BCKDHA: variants seen among roughly 807,000 people sequenced by gnomAD.
BCKDHA encodes 2-oxoisovalerate dehydrogenase subunit alpha, mitochondrial.
BCKDHA carries 43 observed loss-of-function variants against 52.2 expected under a neutral mutation model. The observed-to-expected ratio is 0.82, with a 90% CI of 0.64 to 1.06. The LOEUF is 1.06. BCKDHA is among the 50% of genes least tolerant of loss of function. The probability of loss-of-function intolerance (pLI) is 0.00; values close to 1 mark genes in which losing one functional copy is unlikely to be tolerated. For synonymous variants in BCKDHA, 234 were observed against 247.9 expected (o/e 0.94, Z 0.53); for missense variants, 527 against 621.3 (o/e 0.85, Z 1.61).
At position 41,410,735 on chromosome 19, in the gene BCKDHA, GC is replaced by G. The variant is rs1362557533; in HGVS notation, c.210del (p.Asn71ThrfsTer33). The G allele has an allele frequency of 6.2e-7, 1 of 1,614,152 alleles. No homozygotes were observed. Among genetic ancestry groups the G allele is most frequent in the South Asian group, 1.1e-5 (1 of 91,088 alleles). On this transcript the variant is annotated frameshift_variant, in exon 2 of 9. Transcript: ENST00000269980. LOFTEE classifies it high-confidence loss of function. ...EFIDKLEFIQ[P>X]NVISGIPIYR... ...TTATAGATAAGTTGGAATTCATCCAGCCCAACGTCATCTCTGGAATCCCCAT... is the reference window on the plus strand; with the variant it reads ...TTATAGATAAGTTGGAATTCATCCAGCCAACGTCATCTCTGGAATCCCCAT...
intron 4 of BCKDHA, chr19:41,418,583 G>A (rs1038001241): frequency 5.9e-6 from 2 of 336,930 alleles, no homozygotes; most frequent in Non-Finnish European, 1.2e-5. Context: ...CCAGATTGGA[G>A]TGCAGTGGCA....
chr19:41,405,907 T>C (rs184556272), intron 1 of BCKDHA, among the ~76,000 whole-genome samples: 1 of 152,280 alleles, frequency 6.6e-6, no homozygotes, highest in Admixed American at 6.5e-5. Flanking sequence ...TGAAGCTTTG[T>C]GTAAATCTGT....
chr19:41,420,472 A>G (rs2039352485), intron 5 of BCKDHA, among the ~76,000 whole-genome samples: 1 of 152,118 alleles, frequency 6.6e-6, no homozygotes, highest in Non-Finnish European at 1.5e-5. Context: ...GGTGGTGCAC[A>G]CCTGTAATCC....
intron 1 of BCKDHA, among the ~76,000 whole-genome samples, chr19:41,401,251 TTTTTA>T (rs2123238583): frequency 2.0e-5 from 3 of 151,644 alleles, no homozygotes; most frequent in Admixed American, 2.0e-4. Flanking sequence ...TAATTTTGTA[TTTTTA>T]GTAGAGACAG....
At chr19:41,417,934 G>A (rs1181535302) in intron 4 of BCKDHA, among the ~76,000 whole-genome samples, 1 of 148,664 alleles carries the variant, frequency 6.7e-6, no homozygotes, top group Admixed American at 6.7e-5. Context: ...AAAAAAAAAA[G>A]AAAGAAAATT....
intron 1 of BCKDHA, 147 bp downstream of exon 1, chr19:41,398,082 G>A: frequency 3.0e-6 from 2 of 676,724 alleles, no homozygotes; most frequent in Non-Finnish European, 4.9e-6. Context: ...AGACACCGAA[G>A]GGAAGATCTG....
intron 1 of BCKDHA, among the ~76,000 whole-genome samples, chr19:41,402,664 C>T (rs1025387838): frequency 3.9e-5 from 6 of 152,024 alleles, no homozygotes; most frequent in South Asian, 2.1e-4. Context: ...TTTTTTGAGA[C>T]GGAGTCTTGC....
chr19:41,420,743 G>A (rs1208358719), intron 5 of BCKDHA, among the ~76,000 whole-genome samples: 1 of 152,232 alleles, frequency 6.6e-6, no homozygotes, highest in East Asian at 1.9e-4. Context: ...TCAGTCCTCA[G>A]AGTCAAGTAA....
At position 41,410,663 on chromosome 19, in the gene BCKDHA, T is replaced by G. The variant is rs1430080785; in HGVS notation, c.135T>G (p.Phe45Leu). 4 of 1,614,194 alleles carry G rather than the reference T, an allele frequency of 2.5e-6. No homozygotes were observed. The highest frequency in any genetic ancestry group is 3.4e-6 in the Non-Finnish European group (4 of 1,180,030). ...ACCCCCCCAGGCAGCAGCAGCAGTTTTCATCTCTGGATGACAAGCCCCAGT... is the reference window on the plus strand; with the variant it reads ...ACCCCCCCAGGCAGCAGCAGCAGTTGTCATCTCTGGATGACAAGCCCCAGT... ...RSHPPRQQQQ[F>L]SSLDDKPQFP... is the part of the protein sequence containing the mutation. Residue 45 changes from phenylalanine (F) to leucine (L), a missense_variant, in exon 2 of 9, where the codon TTT becomes TTG. Coordinates refer to ENST00000269980, the MANE Select transcript of BCKDHA (RefSeq NM_000709.4).
At position 41,410,714 on chromosome 19, in the gene BCKDHA, AG is replaced by A; in HGVS notation, c.187del (p.Asp63IlefsTer41). The A allele has an allele frequency of 6.2e-7, 1 of 1,614,124 alleles. No individual in the cohort carries two copies. ...TCCCAGGGGCCTCGGCGGAGTTTAT[AG>A]ATAAGTTGGAATTCATCCAGCCCAA... ...QFPGASAEFIDKLEFIQPNVI... is the reference protein window; with the variant it reads ...QFPGASAEFIXKLEFIQPNVI... On this transcript the variant is annotated frameshift_variant, in exon 2 of 9. Coordinates refer to ENST00000269980, the MANE Select transcript of BCKDHA (RefSeq NM_000709.4). LOFTEE classifies it high-confidence loss of function.
chr19:41,422,615 C>G lies in BCKDHA; in HGVS notation c.854-14C>G, dbSNP rs372967761. On this transcript the variant is annotated splice_polypyrimidine_tract_variant and intron_variant, in intron 6 of 8. Transcript: ENST00000269980. Reference sequence around the variant, plus strand: ...TCAGCCCTGGCCTGACCTGCCTTCTCTGTGTCCCCACAGCAGCACGAGGCC... The same window carrying G: ...TCAGCCCTGGCCTGACCTGCCTTCTGTGTGTCCCCACAGCAGCACGAGGCC... 514 of 1,613,746 alleles carry G rather than the reference C, an allele frequency of 3.2e-4. No homozygotes were observed. Among genetic ancestry groups the G allele is most frequent in the Non-Finnish European group, 4.2e-4 (493 of 1,180,048 alleles).
intron 4 of BCKDHA, 124 bp from the exon 5 acceptor site, chr19:41,419,011 G>T: frequency 1.7e-6 from 2 of 1,185,902 alleles, no homozygotes; most frequent in East Asian, 2.4e-5. Context: ...CTGAACATCA[G>T]TCTTCCTCTT....
intron 3 of BCKDHA, among the ~76,000 whole-genome samples, chr19:41,411,709 C>T (rs12459859): frequency 2.2e-4 from 34 of 152,190 alleles, no homozygotes; most frequent in Admixed American, 3.3e-4. Flanking sequence ...TTGCTGCCTG[C>T]GGGAGATTGA....
Position 41,422,715 on chromosome 19 carries a change from C to A in BCKDHA, c.940C>A (p.Arg314=), listed in dbSNP as rs753698250. 2 of 1,614,104 alleles carry A rather than the reference C, an allele frequency of 1.2e-6. No homozygotes were observed. Among genetic ancestry groups the A allele is most frequent in the East Asian group, 4.5e-5 (2 of 44,882 alleles). The change falls in exon 7 of 9, where the codon CGA becomes AGA. Residue 314 remains arginine (R), a synonymous_variant. Coordinates refer to ENST00000269980, the MANE Select transcript of BCKDHA (RefSeq NM_000709.4). ...CGTATACAACGCCACAAAGGAGGCC[C>A]GACGGCGGGCTGTGGCAGAGAACCA... The part of the protein sequence containing the change: ...FAVYNATKEA[R]RRAVAENQPF...
At chr19:41,403,841 C>A (rs2039163964) in intron 1 of BCKDHA, among the ~76,000 whole-genome samples, 1 of 152,242 alleles carries the variant, frequency 6.6e-6, no homozygotes, top group Non-Finnish European at 1.5e-5. Context: ...GAACCAGATT[C>A]AAACACCAGC....
At chr19:41,413,996 G>A in intron 3 of BCKDHA, 53 bp from the exon 4 acceptor site, 3 of 1,479,326 alleles carry the variant, frequency 2.0e-6, no homozygotes, top group Non-Finnish European at 2.8e-6. Flanking sequence ...ATGGCTCTCT[G>A]TCATTGCCCA....
intron 1 of BCKDHA, among the ~76,000 whole-genome samples, chr19:41,408,248 C>CCCAGCAT (rs66596854): frequency 0.62 from 93,121 of 150,128 alleles, 29,331 homozygotes; most frequent in African/African-American, 0.7. Context: ...TAAGCCACTG[C>CCCAGCAT]CCAGCATCCC....
At chr19:41,408,104 T>C (rs150284535) in intron 1 of BCKDHA, among the ~76,000 whole-genome samples, 11 of 152,062 alleles carry the variant, frequency 7.2e-5, no homozygotes, top group African/African-American at 2.7e-4. Context: ...CACAGGCATG[T>C]GTCACCATGC....
At chr19:41,403,641 G>A (rs1166378194) in intron 1 of BCKDHA, among the ~76,000 whole-genome samples, 1 of 152,168 alleles carries the variant, frequency 6.6e-6, no homozygotes, top group Non-Finnish European at 1.5e-5. Context: ...TTTCCCTGGT[G>A]TGCCATCTGA....
Sources: allele counts gnomAD v4.1 joint callset (sites outside exome capture counted in the v4.1 genomes callset), GRCh38; gene constraint gnomAD v4.1.1; transcripts MANE v1.5; gene names NCBI Gene and HGNC (gene_info 2026-07-23, HGNC 2026-07-21).